The following DLG2 variants were observed in gnomAD, a reference collection of about 807,000 sequenced individuals.
DLG2 encodes the protein disks large homolog 2.
A neutral mutation model predicts 132.5 loss-of-function variants in DLG2; 45 were observed. The observed-to-expected ratio is 0.34, with a 90% CI of 0.27 to 0.44. The LOEUF is 0.44. DLG2 is among the 20% of genes least tolerant of loss of function. The pLI is 1.00. For synonymous variants in DLG2, 424 were observed against 419.6 expected, an observed-to-expected ratio of 1.01 and a Z score of -0.13; for missense variants, 1,045 against 1,196.9, an observed-to-expected ratio of 0.87 and a Z score of 1.87.
chr11:84,739,952 C>T (rs1396534019), intron 6 of DLG2, among the ~76,000 whole-genome samples: 3 of 151,996 alleles, frequency 2.0e-5, no homozygotes, highest in African/African-American at 4.8e-5. Context: ...GCCCAGGCCC[C>T]AGCTAGGCCC....
At chr11:83,849,780 A>C (rs1785862961) in intron 16 of DLG2, among the ~76,000 whole-genome samples, 1 of 151,274 alleles carries the variant, frequency 6.6e-6, no homozygotes, top group Admixed American at 6.6e-5. Context: ...AAAAAGCATA[A>C]AATATTACAT....
intron 7 of DLG2, among the ~76,000 whole-genome samples, chr11:84,481,663 C>A (rs1435584542): frequency 6.6e-6 from 1 of 152,148 alleles, no homozygotes; most frequent in African/African-American, 2.4e-5. Flanking sequence ...CTCAGTCCAC[C>A]CTTCCAACTC....
At chr11:84,363,434 T>C (rs988253246) in intron 7 of DLG2, among the ~76,000 whole-genome samples, 16 of 152,210 alleles carry the variant, frequency 1.1e-4, no homozygotes, top group South Asian at 6.2e-4. Context: ...GAGTAGGTTG[T>C]GAAAATTTTC....
intron 6 of DLG2, among the ~76,000 whole-genome samples, chr11:84,645,527 G>A (rs1418170900): frequency 2.6e-5 from 4 of 152,080 alleles, no homozygotes; most frequent in African/African-American, 7.2e-5. Context: ...GAGTGCAGTC[G>A]CACGATCTCG....
intron 7 of DLG2, among the ~76,000 whole-genome samples, chr11:84,312,065 C>T (rs1243608360): frequency 6.6e-6 from 1 of 152,128 alleles, no homozygotes; most frequent in Non-Finnish European, 1.5e-5. Context: ...TTCATTTATT[C>T]CTTAAATATT....
At chr11:84,583,328 A>G (rs1252791057) in intron 6 of DLG2, among the ~76,000 whole-genome samples, 1 of 152,190 alleles carries the variant, frequency 6.6e-6, no homozygotes, top group African/African-American at 2.4e-5. Context: ...CAGATGCAGA[A>G]GATATGTCAC....
At chr11:84,680,072 T>C (rs2099724852) in intron 6 of DLG2, among the ~76,000 whole-genome samples, 1 of 152,124 alleles carries the variant, frequency 6.6e-6, no homozygotes, top group Admixed American at 6.5e-5. Context: ...CATTTCCAAC[T>C]CTTCACTTCT....
chr11:84,880,930 A>C (rs1488601571), intron 6 of DLG2, among the ~76,000 whole-genome samples: 1 of 152,178 alleles, frequency 6.6e-6, no homozygotes, highest in Non-Finnish European at 1.5e-5. Context: ...CTATTATGCA[A>C]GGCATGTTTC....
chr11:84,239,460 G>C (rs896659898), intron 8 of DLG2, among the ~76,000 whole-genome samples: 1 of 152,132 alleles, frequency 6.6e-6, no homozygotes, highest in Non-Finnish European at 1.5e-5. Context: ...GGGATTACAG[G>C]CATGAGTCAC....
At chr11:85,113,124 A>C (rs996915683) in intron 5 of DLG2, among the ~76,000 whole-genome samples, 5 of 152,146 alleles carry the variant, frequency 3.3e-5, no homozygotes, top group Admixed American at 2.0e-4. Context: ...ATTTCTTTAA[A>C]GCAAAATATG....
chr11:85,117,975 A>G (rs982325309), intron 5 of DLG2, among the ~76,000 whole-genome samples: 6 of 152,082 alleles, frequency 3.9e-5, no homozygotes, highest in African/African-American at 1.4e-4. Flanking sequence ...AATGACTTCT[A>G]TTATTACATC....
intron 9 of DLG2, among the ~76,000 whole-genome samples, chr11:84,149,871 C>T (rs2095237123): frequency 6.6e-6 from 1 of 152,136 alleles, no homozygotes; most frequent in Non-Finnish European, 1.5e-5. Flanking sequence ...GATTCTTCTG[C>T]TTCACCCTCC....
intron 6 of DLG2, among the ~76,000 whole-genome samples, chr11:84,983,209 C>G (rs34813295): frequency 0.49 from 74,209 of 151,998 alleles, 18,297 homozygotes; most frequent in East Asian, 0.67. Context: ...AGAGAACCCA[C>G]AGGCCCTCTG....
intron 3 of DLG2, among the ~76,000 whole-genome samples, chr11:85,585,338 T>C (rs1420438575): frequency 6.6e-6 from 1 of 152,232 alleles, no homozygotes; most frequent in Admixed American, 6.5e-5. Flanking sequence ...TTCTGGGTTC[T>C]CTGTTCTGCT....
chr11:84,517,058 TAA>T (rs36091027), intron 7 of DLG2, among the ~76,000 whole-genome samples: 35 of 112,256 alleles, frequency 3.1e-4, no homozygotes, highest in South Asian at 2.2e-3. Flanking sequence ...TATTCTATCC[TAA>T]AAAAAAAAAA....
chr11:84,425,309 A>G (rs2098962848), intron 7 of DLG2, among the ~76,000 whole-genome samples: 1 of 152,102 alleles, frequency 6.6e-6, no homozygotes, highest in Non-Finnish European at 1.5e-5. Context: ...TACATAGGTG[A>G]TTTTAAGAAA....
intron 10 of DLG2, among the ~76,000 whole-genome samples, chr11:84,070,243 T>A (rs1251164524): frequency 6.6e-6 from 1 of 152,210 alleles, no homozygotes; most frequent in Non-Finnish European, 1.5e-5. Flanking sequence ...AACCCCCTTT[T>A]TATACCTCTT....
chr11:83,959,951 T>C (rs185844569), intron 14 of DLG2, among the ~76,000 whole-genome samples: 339 of 152,232 alleles, frequency 2.2e-3, no homozygotes, highest in African/African-American at 7.8e-3. Flanking sequence ...TTTATTACTC[T>C]ATGTATTGTT....
intron 6 of DLG2, chr11:84,887,172 C>T (rs922076706): frequency 6.6e-6 from 1 of 151,890 alleles, no homozygotes; most frequent in Non-Finnish European, 1.5e-5. Context: ...TGAAAAGCAC[C>T]ATCTGTTCAT....
Sources: allele counts gnomAD v4.1 joint callset (sites outside exome capture counted in the v4.1 genomes callset), GRCh38; gene constraint gnomAD v4.1.1; transcripts MANE v1.5; gene names NCBI Gene and HGNC (gene_info 2026-07-23, HGNC 2026-07-21).